P3H2: variants seen among roughly 807,000 people sequenced by gnomAD.
P3H2 encodes the protein prolyl 3-hydroxylase 2.
P3H2 carries 80 observed loss-of-function variants against 87.0 expected under a neutral mutation model. That is an observed-to-expected ratio of 0.92 (90% confidence interval 0.77 to 1.11). P3H2 has a LOEUF of 1.11. P3H2 is among the 50% of genes least tolerant of loss of function. The probability of loss-of-function intolerance (pLI) is 0.00; values close to 1 mark genes in which losing one functional copy is unlikely to be tolerated. For synonymous variants in P3H2, 367 were observed against 359.3 expected (o/e 1.02, Z -0.24); for missense variants, 1,001 against 923.9 (o/e 1.08, Z -1.08).
chr3:190,075,788 G>T (rs1368628988), intron 1 of P3H2, among the ~76,000 whole-genome samples: 1 of 152,104 alleles, frequency 6.6e-6, no homozygotes, highest in East Asian at 1.9e-4. Context: ...AGATAGGTCG[G>T]GTCAGATCTT....
intron 14 of P3H2, among the ~76,000 whole-genome samples, chr3:189,962,397 A>G (rs1406616652): frequency 6.6e-6 from 1 of 150,714 alleles, no homozygotes; most frequent in Non-Finnish European, 1.5e-5. Flanking sequence ...CTGGTCTCCA[A>G]CTCCTGACCT....
intron 1 of P3H2, among the ~76,000 whole-genome samples, chr3:190,073,475 C>T (rs531648356): frequency 1.2e-4 from 18 of 152,274 alleles, no homozygotes; most frequent in African/African-American, 4.3e-4. Flanking sequence ...TAATCAGTTA[C>T]AGGCATGCTT....
rs1285189299 is a variant in P3H2 at position 190,120,401 on chromosome 3, G to A, written c.331C>T (p.Arg111Cys). The A allele has an allele frequency of 6.5e-7, 1 of 1,541,772 alleles. No homozygotes were observed. ...EGPGAELPLFRSLLGRARCYR... is the reference protein window; with the variant it reads ...EGPGAELPLFCSLLGRARCYR... ...CAGCGCGCCCGCCCCAACAAGGAGC[G>A]GAAAAGGGGCAGCTCAGCGCCGGGG... is the stretch of plus-strand genomic sequence containing the variant. Residue 111 changes from arginine to cysteine, a missense_variant, in exon 1 of 15, where the codon CGC (arginine) becomes TGC (cysteine). Transcript: ENST00000319332.
chr3:190,104,490 AC>A, intron 1 of P3H2, among the ~76,000 whole-genome samples: 1 of 152,296 alleles, frequency 6.6e-6, no homozygotes, highest in African/African-American at 2.4e-5. Context: ...ATATTTTAAT[AC>A]CCTTTAAATT....
intron 1 of P3H2, among the ~76,000 whole-genome samples, chr3:190,096,482 G>A (rs962777256): frequency 1.6e-4 from 24 of 145,756 alleles, no homozygotes; most frequent in African/African-American, 5.5e-4. Flanking sequence ...GCCTCCTCAC[G>A]CTTCCTGTGG....
intron 1 of P3H2, among the ~76,000 whole-genome samples, chr3:190,047,736 A>T (rs1335292286): frequency 6.6e-6 from 1 of 152,140 alleles, no homozygotes; most frequent in Non-Finnish European, 1.5e-5. Context: ...GATCTCATAG[A>T]GGTAGTAAGT....
At chr3:190,061,005 CTATTCCATCACCCAGA>C (rs1439631360) in intron 1 of P3H2, among the ~76,000 whole-genome samples, 2 of 151,986 alleles carry the variant, frequency 1.3e-5, no homozygotes, top group African/African-American at 4.8e-5. Flanking sequence ...GGCTTCCAGG[CTATTCCATCACCCAGA>C]TAGTGTACAC....
chr3:190,057,002 T>C (rs914925692), intron 1 of P3H2, among the ~76,000 whole-genome samples: 2 of 152,186 alleles, frequency 1.3e-5, no homozygotes, highest in African/African-American at 4.8e-5. Flanking sequence ...GATTCATTTA[T>C]AGCAGAGAGG....
chr3:189,962,440 G>A (rs1722847424), intron 14 of P3H2, among the ~76,000 whole-genome samples: 1 of 152,172 alleles, frequency 6.6e-6, no homozygotes, highest in African/African-American at 2.4e-5. Flanking sequence ...CTCCAAAAGT[G>A]CAGGGATTAT....
At chr3:190,062,014 G>C (rs1420632727) in intron 1 of P3H2, among the ~76,000 whole-genome samples, 1 of 151,934 alleles carries the variant, frequency 6.6e-6, no homozygotes, top group East Asian at 1.9e-4. Flanking sequence ...CTTTCTCCTC[G>C]AGGTCCTCCA....
Position 190,120,529 on chromosome 3 carries a change from T to C in P3H2, c.203A>G (p.Glu68Gly), listed in dbSNP as rs1201439363. The part of the protein sequence containing the change: ...GDYERAVRDL[E>G]AALRSHRRLR... Reference sequence around the variant, plus strand: ...GCGCCGGTGGCTGCGCAGCGCCGCTTCCAAGTCGCGCACCGCTCGCTCGTA... The same window carrying C: ...GCGCCGGTGGCTGCGCAGCGCCGCTCCCAAGTCGCGCACCGCTCGCTCGTA... Residue 68 changes from glutamate (E) to glycine (G), a missense_variant, in exon 1 of 15, where the codon GAA (glutamate) becomes GGA (glycine). Transcript: ENST00000319332. 1.3e-6 allele frequency: 2 copies of C among 1,492,680 alleles called. No homozygotes were observed. The highest frequency in any genetic ancestry group is 1.8e-6 in the Non-Finnish European group (2 of 1,129,122). 92.5% of individuals were successfully genotyped at this position (1,492,680 alleles called of 1,614,324 possible). A position where few individuals can be genotyped will look rare whatever the true frequency, so the allele number is the denominator to read the frequency against.
chr3:189,971,363 G>A lies in P3H2; in HGVS notation c.1818-472C>T, dbSNP rs145452351. On this transcript the variant is annotated intron_variant, in intron 12 of 14. Coordinates refer to ENST00000319332, the MANE Select transcript of P3H2 (RefSeq NM_018192.4). ...GGTGCTTAATAAATGTTTTGGAATC[G>A]AGTACAGTGTAGTAAGGATGAACAC... Among the ~76,000 whole-genome samples, 63 of 152,298 alleles carry A rather than the reference G, an allele frequency of 4.1e-4. No homozygotes were observed. In the South Asian group the frequency reaches 0.012, roughly 30 times the overall value.
intron 1 of P3H2, among the ~76,000 whole-genome samples, chr3:190,000,802 A>G (rs1485519224): frequency 6.6e-6 from 1 of 152,216 alleles, no homozygotes; most frequent in African/African-American, 2.4e-5. Flanking sequence ...AGGCTATGGT[A>G]GAGTTTAAAT....
chr3:190,058,978 C>G lies in P3H2; in HGVS notation c.480+61274G>C, dbSNP rs143832600. ...TGGGGAAGGAGGGCATTCTTATTAGCTACCAACATTGTACATTCAGTTGTT... is the reference window on the plus strand; with the variant it reads ...TGGGGAAGGAGGGCATTCTTATTAGGTACCAACATTGTACATTCAGTTGTT... On this transcript the variant is annotated intron_variant, in intron 1 of 14. Coordinates refer to ENST00000319332, the MANE Select transcript of P3H2 (RefSeq NM_018192.4). 1.5e-3 allele frequency among the ~76,000 whole-genome samples: 230 copies of G among 152,310 alleles called. 1 individual carries two copies. Among genetic ancestry groups the G allele is most frequent in the Middle Eastern group, 6.8e-3 (2 of 294 alleles).
At chr3:189,974,292 C>A (rs894501727) in intron 9 of P3H2, 4 of 595,374 alleles carry the variant, frequency 6.7e-6, no homozygotes, top group Admixed American at 6.0e-5. Context: ...ATTTCTCCAG[C>A]AACTTTATAT....
intron 6 of P3H2, among the ~76,000 whole-genome samples, chr3:189,986,587 C>T (rs1014385492): frequency 6.6e-6 from 1 of 152,072 alleles, no homozygotes; most frequent in African/African-American, 2.4e-5. Flanking sequence ...GAGACTCCAT[C>T]TCAAAATAAA....
chr3:190,037,547 G>A (rs565342017), intron 1 of P3H2, among the ~76,000 whole-genome samples: 1 of 152,194 alleles, frequency 6.6e-6, no homozygotes, highest in African/African-American at 2.4e-5. Flanking sequence ...CTTGTCCCTT[G>A]ATGTCAACAC....
chr3:190,015,061 G>A (rs1399768584), intron 1 of P3H2, among the ~76,000 whole-genome samples: 1 of 152,164 alleles, frequency 6.6e-6, no homozygotes, highest in Non-Finnish European at 1.5e-5. Context: ...CTGACACTGA[G>A]GATGGAGTGC....
intron 9 of P3H2, 70 bp downstream of exon 9, chr3:189,974,488 C>T: frequency 6.2e-7 from 1 of 1,603,874 alleles, no homozygotes; most frequent in South Asian, 1.1e-5. Flanking sequence ...CAGATGAGAC[C>T]AGGACCAAAG....
Sources: allele counts gnomAD v4.1 joint callset (sites outside exome capture counted in the v4.1 genomes callset), GRCh38; gene constraint gnomAD v4.1.1; transcripts MANE v1.5; gene names NCBI Gene and HGNC (gene_info 2026-07-23, HGNC 2026-07-21).